The following CADPS2 variants were observed in gnomAD, a reference collection of about 807,000 sequenced individuals.
CADPS2 encodes the protein calcium-dependent secretion activator 2.
Under a neutral mutation model 172.5 loss-of-function variants are expected in CADPS2, and 93 were observed. The observed-to-expected ratio is 0.54, with a 90% confidence interval of 0.46 to 0.64. The LOEUF is 0.64. CADPS2 is among the 30% of genes least tolerant of loss of function. CADPS2 has a pLI of 0.00. For synonymous variants in CADPS2, 546 were observed against 555.2 expected (o/e 0.98, Z 0.23); for missense variants, 1,420 against 1,565.9 (o/e 0.91, Z 1.57).
chr7:122,742,863 C>A (rs1411676735), intron 1 of CADPS2, among the ~76,000 whole-genome samples: 3 of 152,122 alleles, frequency 2.0e-5, no homozygotes, highest in Non-Finnish European at 4.4e-5. Flanking sequence ...TATCCATAGT[C>A]TCCTCCAGGT....
chr7:122,668,402 T>TA (rs34006020), intron 2 of CADPS2, among the ~76,000 whole-genome samples: 7,815 of 138,144 alleles, frequency 0.057, 271 homozygotes, highest in African/African-American at 0.078. Context: ...AAAGTATGGT[T>TA]AAAAAAAAAA....
chr7:122,841,205 C>G (rs1346961836), intron 1 of CADPS2, among the ~76,000 whole-genome samples: 1 of 152,046 alleles, frequency 6.6e-6, no homozygotes, highest in Non-Finnish European at 1.5e-5. Context: ...AACTTAATCT[C>G]AAAGAATATG....
intron 8 of CADPS2, among the ~76,000 whole-genome samples, chr7:122,524,425 A>G (rs372863094): frequency 2.6e-5 from 4 of 152,186 alleles, no homozygotes; most frequent in African/African-American, 4.8e-5. Flanking sequence ...CTCTAAAAAA[A>G]TAATTAAGAT....
chr7:122,408,766 C>T (rs943255346), intron 19 of CADPS2, among the ~76,000 whole-genome samples: 1 of 151,902 alleles, frequency 6.6e-6, no homozygotes, highest in Admixed American at 6.6e-5. Context: ...ATACAAACCA[C>T]AAAAAAGGGG....
At chr7:122,885,776 C>T (rs1361918499) in intron 1 of CADPS2, among the ~76,000 whole-genome samples, 1 of 152,174 alleles carries the variant, frequency 6.6e-6, no homozygotes, top group Non-Finnish European at 1.5e-5. Flanking sequence ...GAGCTGACAG[C>T]TCCTGCCAGC....
intron 11 of CADPS2, among the ~76,000 whole-genome samples, chr7:122,483,014 G>A (rs1254997547): frequency 1.3e-5 from 2 of 152,180 alleles, no homozygotes; most frequent in African/African-American, 4.8e-5. Context: ...ATAATTCACA[G>A]GTTATCAGTT....
At chr7:122,559,916 T>C (rs1241671653) in intron 7 of CADPS2, among the ~76,000 whole-genome samples, 1 of 151,886 alleles carries the variant, frequency 6.6e-6, no homozygotes, top group Non-Finnish European at 1.5e-5. Context: ...AGCTGAAGTT[T>C]GTGATGTACC....
At chr7:122,635,281 T>C (rs2076958851) in intron 3 of CADPS2, among the ~76,000 whole-genome samples, 1 of 151,286 alleles carries the variant, frequency 6.6e-6, no homozygotes, top group African/African-American at 2.4e-5. Flanking sequence ...ATTTTTTTTT[T>C]TAATTATTAT....
chr7:122,571,101 C>G (rs1041682357), intron 7 of CADPS2, among the ~76,000 whole-genome samples: 4 of 151,906 alleles, frequency 2.6e-5, no homozygotes, highest in Non-Finnish European at 5.9e-5. Context: ...GTATTTATAT[C>G]ACACTCTCAT....
chr7:122,407,725 A>G (rs1410372456), intron 19 of CADPS2, 29 bp from the exon 20 acceptor site: 3 of 1,575,874 alleles, frequency 1.9e-6, no homozygotes, highest in Non-Finnish European at 2.6e-6. Flanking sequence ...ATAAAGGAGA[A>G]AAGTAGATTA....
Position 122,517,905 on chromosome 7 carries a change from A to G in CADPS2, c.1476-4590T>C, listed in dbSNP as rs564856920. On this transcript the variant is annotated intron_variant, in intron 8 of 29. Coordinates refer to ENST00000449022, the MANE Select transcript of CADPS2 (RefSeq NM_017954.11). Reference sequence around the variant, plus strand: ...TTTATTAGAAAACATCTACAAAACTAAAAAAGCATTTTCTCCTAACCCATC... The same window carrying G: ...TTTATTAGAAAACATCTACAAAACTGAAAAAGCATTTTCTCCTAACCCATC... Among the ~76,000 whole-genome samples the G allele has an allele frequency of 1.6e-4, 24 of 152,104 alleles. No homozygotes were observed. In the East Asian group the frequency reaches 4.3e-3, roughly 27 times the overall value.
intron 6 of CADPS2, among the ~76,000 whole-genome samples, chr7:122,592,416 G>A (rs1190381667): frequency 6.6e-6 from 1 of 152,108 alleles, no homozygotes; most frequent in Admixed American, 6.6e-5. Flanking sequence ...CAACCATTGT[G>A]GAAGACAGTG....
rs578011673 is a variant in CADPS2 at position 122,319,458 on chromosome 7, T to A, written c.*707A>T. The A allele has an allele frequency of 6.6e-6, 1 of 152,168 alleles. No individual in the cohort carries two copies. Among genetic ancestry groups the A allele is most frequent in the East Asian group, 1.9e-4 (1 of 5,188 alleles). The allele number at this position is 152,168 out of a possible 1,614,324, so 9.4% of individuals were successfully genotyped here. A position where few individuals can be genotyped will look rare whatever the true frequency, so the allele number is the denominator to read the frequency against. Reference sequence around the variant, plus strand: ...TATACTGGAGCAGGAGAATATGGTATCTTGACGGAAGCACACTTGCTACCC... The same window carrying A: ...TATACTGGAGCAGGAGAATATGGTAACTTGACGGAAGCACACTTGCTACCC... On this transcript the variant is annotated 3_prime_UTR_variant, in exon 30 of 30. Transcript: ENST00000449022.
chr7:122,699,074 G>C, intron 2 of CADPS2: 1 of 599,698 alleles, frequency 1.7e-6, no homozygotes, highest in Non-Finnish European at 2.9e-6. Context: ...GATGGCTTAT[G>C]AGTTTCAGAT....
chr7:122,345,478 A>C (rs2150978420), intron 28 of CADPS2, 96 bp downstream of exon 28: 1 of 721,542 alleles, frequency 1.4e-6, no homozygotes, highest in East Asian at 2.6e-5. Context: ...GATCACAAAA[A>C]GGAGACTATG....
chr7:122,784,358 A>G (rs1380758895), intron 1 of CADPS2, among the ~76,000 whole-genome samples: 1 of 152,202 alleles, frequency 6.6e-6, no homozygotes, highest in Non-Finnish European at 1.5e-5. Flanking sequence ...AAATCCCAAA[A>G]CAGCTATCTC....
chr7:122,360,573 A>T (rs2039994826), intron 27 of CADPS2, among the ~76,000 whole-genome samples: 1 of 152,176 alleles, frequency 6.6e-6, no homozygotes, highest in Admixed American at 6.5e-5. Context: ...CTTATGATGA[A>T]CTGATCTCCT....
At chr7:122,831,975 A>G (rs541225245) in intron 1 of CADPS2, among the ~76,000 whole-genome samples, 5 of 152,208 alleles carry the variant, frequency 3.3e-5, no homozygotes, top group Non-Finnish European at 7.3e-5. Context: ...AATGCAACAT[A>G]AATTATGCTA....
chr7:122,436,414 G>A, intron 17 of CADPS2: 1 of 1,242,622 alleles, frequency 8.0e-7, no homozygotes, highest in South Asian at 1.3e-5. Flanking sequence ...TAGGAGAAAA[G>A]CAAACTCTAC....
Sources: allele counts gnomAD v4.1 joint callset (sites outside exome capture counted in the v4.1 genomes callset), GRCh38; gene constraint gnomAD v4.1.1; transcripts MANE v1.5; gene names NCBI Gene and HGNC (gene_info 2026-07-23, HGNC 2026-07-21).